PRELID2: variants seen among roughly 807,000 people sequenced by gnomAD.
The protein encoded by PRELID2 is PRELI domain containing 2, also known as PRELI domain-containing protein 2.
In PRELID2, 25 loss-of-function variants were observed where a neutral mutation model predicts 28.4. The observed-to-expected ratio is 0.88, with a 90% confidence interval of 0.64 to 1.23. The LOEUF (loss-of-function observed/expected upper bound fraction) is 1.23. Among genes scored for constraint, PRELID2 ranks in the 50% most tolerant of loss-of-function variants. PRELID2 has a pLI of 0.00. For missense variants in PRELID2, 201 were observed against 214.4 expected, an observed-to-expected ratio of 0.94 and a Z score of 0.39; for synonymous variants, 76 against 71.6, an observed-to-expected ratio of 1.06 and a Z score of -0.31.
At chr5:145,483,899 A>G (rs1028764062) in intron 1 of PRELID2, among the ~76,000 whole-genome samples, 7 of 152,232 alleles carry the variant, frequency 4.6e-5, no homozygotes, top group Admixed American at 3.9e-4. Flanking sequence ...TGTCTGTGTC[A>G]GTTGCTCACA....
chr5:145,597,587 G>T (rs1187689386), intron 1 of PRELID2, among the ~76,000 whole-genome samples: 1 of 152,108 alleles, frequency 6.6e-6, no homozygotes, highest in African/African-American at 2.4e-5. Context: ...TACTTCAAAT[G>T]AACTTATGGC....
At chr5:145,231,052 A>G in the PRELID2 span, among the ~76,000 whole-genome samples, 1 of 152,188 alleles carries the variant, frequency 6.6e-6, no homozygotes, top group African/African-American at 2.4e-5. Flanking sequence ...CACTAAATAC[A>G]ACCCACAGTT....
the PRELID2 span, among the ~76,000 whole-genome samples, chr5:145,268,975 A>C: frequency 2.6e-5 from 4 of 152,158 alleles, no homozygotes; most frequent in African/African-American, 9.7e-5. Flanking sequence ...TTAATTTAAC[A>C]AAAGTGGGCA....
At chr5:145,298,198 C>T in the PRELID2 span, among the ~76,000 whole-genome samples, 4 of 152,280 alleles carry the variant, frequency 2.6e-5, no homozygotes, top group Admixed American at 2.6e-4. Flanking sequence ...CTGGAGGCAT[C>T]ATGCTACCTG....
chr5:145,550,990 A>T (rs771338814), intron 1 of PRELID2, among the ~76,000 whole-genome samples: 1 of 152,222 alleles, frequency 6.6e-6, no homozygotes, highest in African/African-American at 2.4e-5. Flanking sequence ...TTCCTTTAGC[A>T]GTTAAAAACT....
At chr5:145,503,546 T>C (rs576350343) in intron 1 of PRELID2, among the ~76,000 whole-genome samples, 2 of 152,218 alleles carry the variant, frequency 1.3e-5, no homozygotes, top group South Asian at 4.2e-4. Flanking sequence ...AAAATCACTA[T>C]TATCATTTTC....
the PRELID2 span, among the ~76,000 whole-genome samples, chr5:145,314,644 A>T: frequency 1.3e-5 from 2 of 152,012 alleles, no homozygotes; most frequent in African/African-American, 4.8e-5. Context: ...CATGCCATGT[A>T]TGTTCAATAA....
At chr5:145,365,448 T>C in the PRELID2 span, among the ~76,000 whole-genome samples, 1 of 151,718 alleles carries the variant, frequency 6.6e-6, no homozygotes, top group African/African-American at 2.4e-5. Flanking sequence ...ATTTAATCTA[T>C]GTAAAAGATT....
chr5:145,598,331 CTAAG>C (rs1753339936), intron 1 of PRELID2, among the ~76,000 whole-genome samples: 1 of 152,082 alleles, frequency 6.6e-6, no homozygotes, highest in African/African-American at 2.4e-5. Flanking sequence ...ATAGTATTCT[CTAAG>C]TAATAGGGTG....
rs1376499344 is a variant in PRELID2, at chr5:145,539,735, A to G, written n.71-66420T>C. ...TAAATAAATATCTCATAATTGTAAT[A>G]TAGTTAATTATGATAAGCCCACTCT... On this transcript the variant is annotated intron_variant and non_coding_transcript_variant, in intron 1 of 2. Coordinates refer to the PRELID2 transcript ENST00000510259. 3.3e-5 allele frequency among the ~76,000 whole-genome samples: 5 copies of G among 151,838 alleles called. No individual in the cohort carries two copies. In the South Asian group the frequency reaches 8.3e-4, roughly 25 times the overall value.
intron 1 of PRELID2, among the ~76,000 whole-genome samples, chr5:145,557,332 C>T (rs1752888732): frequency 6.6e-6 from 1 of 152,280 alleles, no homozygotes; most frequent in South Asian, 2.1e-4. Context: ...GTAGAGACAA[C>T]AGGGAGCTTG....
intron 1 of PRELID2, among the ~76,000 whole-genome samples, chr5:145,671,774 C>T (rs1022884787): frequency 6.6e-6 from 1 of 152,138 alleles, no homozygotes; most frequent in Non-Finnish European, 1.5e-5. Flanking sequence ...AAGATATAAC[C>T]TATTCTCCAT....
chr5:145,493,877 A>T (rs933662455), intron 1 of PRELID2, among the ~76,000 whole-genome samples: 2 of 152,212 alleles, frequency 1.3e-5, no homozygotes, highest in Non-Finnish European at 2.9e-5. Context: ...TTATATTTTT[A>T]AATGACTCTT....
At chr5:145,435,212 C>A in the PRELID2 span, among the ~76,000 whole-genome samples, 160 of 152,142 alleles carry the variant, frequency 1.1e-3, 1 homozygote, top group African/African-American at 3.7e-3. Context: ...GTGACAAATG[C>A]AATAGAAAAA....
chr5:145,618,028 C>T (rs1023899770), intron 1 of PRELID2, among the ~76,000 whole-genome samples: 1 of 152,100 alleles, frequency 6.6e-6, no homozygotes, highest in Admixed American at 6.5e-5. Context: ...CCACCATGCC[C>T]GGCCGATTGT....
chr5:145,548,159 T>C (rs771216143), intron 1 of PRELID2, among the ~76,000 whole-genome samples: 17 of 152,174 alleles, frequency 1.1e-4, no homozygotes, highest in Non-Finnish European at 2.5e-4. Context: ...ATCACCCAAG[T>C]TATAAAATGT....
downstream of PRELID2, among the ~76,000 whole-genome samples, chr5:145,752,569 C>T (rs112016399): frequency 6.6e-6 from 1 of 152,324 alleles, no homozygotes; most frequent in Admixed American, 6.5e-5. Context: ...CTCCATGCTA[C>T]ATCTTCCAAT....
At chr5:145,494,102 G>A (rs1752289852) in intron 1 of PRELID2, among the ~76,000 whole-genome samples, 1 of 151,980 alleles carries the variant, frequency 6.6e-6, no homozygotes, top group Non-Finnish European at 1.5e-5. Flanking sequence ...CAAAGCTCAG[G>A]GTCTCTTATT....
chr5:145,293,571 C>T, the PRELID2 span, among the ~76,000 whole-genome samples: 1 of 152,112 alleles, frequency 6.6e-6, no homozygotes, highest in East Asian at 1.9e-4. Context: ...ACCACTTTGT[C>T]ATTTTCTAGA....
Sources: gnomAD v4.1 joint callset for allele counts (sites outside exome capture counted in the v4.1 genomes callset) on GRCh38, gnomAD v4.1.1 for gene constraint, MANE v1.5 for transcripts, NCBI Gene and HGNC (gene_info 2026-07-23, HGNC 2026-07-21) for gene names.